Variants in RAB36 observed in about 807,000 individuals in gnomAD.
RAB36 encodes RAB36, member RAS oncogene family, also known as ras-related protein Rab-36.
In RAB36, 33 loss-of-function variants were observed where a neutral mutation model predicts 39.3. The observed-to-expected ratio is 0.84, with a 90% CI of 0.64 to 1.12. The LOEUF (loss-of-function observed/expected upper bound fraction) is 1.12. Ranked by LOEUF, RAB36 falls within the 50% of genes most tolerant of loss-of-function variation. The pLI, the probability that RAB36 is intolerant of heterozygous loss-of-function variation, is 0.00. For synonymous variants in RAB36, 133 were observed against 140.2 expected (o/e 0.95, Z 0.36); for missense variants, 308 against 355.3 (o/e 0.87, Z 1.07).
downstream of RAB36, among the ~76,000 whole-genome samples, chr22:23,167,392 A>G (rs1410840134): frequency 1.3e-5 from 2 of 152,148 alleles, no homozygotes; most frequent in Admixed American, 1.3e-4. Context: ...GAGGCTCCAC[A>G]GGGACCGGAG....
At chr22:23,145,586 G>C (rs1395714363) in intron 1 of RAB36, 35 bp downstream of exon 1, 1 of 1,579,806 alleles carries the variant, frequency 6.3e-7, no homozygotes, top group Non-Finnish European at 8.6e-7. Flanking sequence ...CGACCCTCCC[G>C]GTCACCCAAC....
At chr22:23,161,037 C>T in intron 10 of RAB36, 39 bp downstream of exon 10, 4 of 1,559,868 alleles carry the variant, frequency 2.6e-6, no homozygotes, top group Non-Finnish European at 3.5e-6. Context: ...GGGGAGTAGG[C>T]TGGAGGCCTA....
chr22:23,159,105 C>T lies in RAB36; in HGVS notation c.529-58C>T, dbSNP rs1040495939. On this transcript the variant is annotated intron_variant, in intron 8 of 10. Coordinates refer to ENST00000263116, the MANE Select transcript of RAB36 (RefSeq NM_004914.5). Reference sequence around the variant, plus strand: ...TGGGAAGCAGGCAGCTGCCTATCCCCCTGGGCCTCCCTGCAGGAGAGCCGG... The same window carrying T: ...TGGGAAGCAGGCAGCTGCCTATCCCTCTGGGCCTCCCTGCAGGAGAGCCGG... 5.6e-6 allele frequency: 9 copies of T among 1,593,770 alleles called. No individual in the cohort carries two copies. The East Asian group carries it at 1.8e-4, about 32-fold the overall frequency.
At chr22:23,146,278 G>A (rs932994283) in intron 1 of RAB36, among the ~76,000 whole-genome samples, 3 of 152,100 alleles carry the variant, frequency 2.0e-5, no homozygotes, top group African/African-American at 2.4e-5. Flanking sequence ...GCACCTTCAC[G>A]GTTCACTGCA....
intron 7 of RAB36, 82 bp downstream of exon 7, chr22:23,158,125 A>G (rs979236892): frequency 6.2e-5 from 98 of 1,578,800 alleles, no homozygotes; most frequent in Non-Finnish European, 7.7e-5. Flanking sequence ...TGGCCAGTGG[A>G]CCCTGACCCC....
Position 23,152,492 on chromosome 22 carries a change from G to A in RAB36, c.193G>A (p.Asp65Asn), listed in dbSNP as rs747468166. ...ACTCTCCAAGGTGGTGGTGGTTGGCGATCTCTACGTGGGGAAGACCAGCCT... is the reference window on the plus strand; with the variant it reads ...ACTCTCCAAGGTGGTGGTGGTTGGCAATCTCTACGTGGGGAAGACCAGCCT... ...LKLSKVVVVGDLYVGKTSLIH... is the reference protein window; with the variant it reads ...LKLSKVVVVGNLYVGKTSLIH... The change falls in exon 4 of 11, where the codon GAT becomes AAT. Residue 65 changes from aspartate (D) to asparagine (N), a missense_variant. Physicochemically the swap from Asp to Asn is conservative, Grantham distance 23. Coordinates refer to ENST00000263116, the MANE Select transcript of RAB36 (RefSeq NM_004914.5). 8 of 1,614,078 alleles carry A rather than the reference G, an allele frequency of 5.0e-6. No homozygotes were observed. In the East Asian group the frequency reaches 8.9e-5, roughly 18 times the overall value.
chr22:23,146,673 C>T lies in RAB36; in HGVS notation c.57C>T (p.Ala19=), dbSNP rs749189747. 5.6e-6 allele frequency: 9 copies of T among 1,614,034 alleles called. No individual in the cohort carries two copies. The East Asian group carries it at 1.8e-4, about 32-fold the overall frequency. The change falls in exon 2 of 11, where the codon GCC becomes GCT. Residue 19 remains alanine, a synonymous_variant. Coordinates refer to ENST00000263116, the MANE Select transcript of RAB36 (RefSeq NM_004914.5). The part of the protein sequence containing the change: ...GPPVSRDRVI[A]SFPKWYTPEA... ...CTGTGAGCCGCGACCGTGTCATCGCCAGCTTCCCTAAGGTAGAGAGTCATT... is the reference window on the plus strand; with the variant it reads ...CTGTGAGCCGCGACCGTGTCATCGCTAGCTTCCCTAAGGTAGAGAGTCATT...
chr22:23,160,854 TC>T (rs758537763), intron 9 of RAB36, 24 bp from the exon 10 acceptor site: 190 of 1,608,426 alleles, frequency 1.2e-4, no homozygotes, highest in Non-Finnish European at 4.5e-5. Context: ...ACTGATGAGG[TC>T]CCGGCTGTCT....
Position 23,146,638 on chromosome 22 carries a change from T to A in RAB36, c.22T>A (p.Leu8Met). 6.2e-7 allele frequency: 1 copy of A among 1,614,044 alleles called. No individual in the cohort carries two copies. The highest frequency in any genetic ancestry group is 8.5e-7 in the Non-Finnish European group (1 of 1,179,938). MRSSLTP[L>M]GPPVSRDRVI... ...AAGAATGAGGTCCTCCCTGACACCT[T>A]TGGGGCCCCCTGTGAGCCGCGACCG... Residue 8 changes from leucine (L) to methionine (M), a missense_variant, in exon 2 of 11, where the codon TTG (leucine) becomes ATG (methionine). Coordinates refer to ENST00000263116, the MANE Select transcript of RAB36 (RefSeq NM_004914.5).
At chr22:23,150,022 G>A in intron 2 of RAB36, 41 bp from the exon 3 acceptor site, 8 of 1,505,500 alleles carry the variant, frequency 5.3e-6, no homozygotes, top group Non-Finnish European at 7.3e-6. Context: ...CGGAGCCACA[G>A]CTTTGCAGGA....
At chr22:23,153,555 A>T (rs2071283682) in intron 5 of RAB36, 1 of 985,004 alleles carries the variant, frequency 1.0e-6, no homozygotes, top group Admixed American at 6.2e-5. Context: ...CAGTCCCTGC[A>T]TGCCAGGCTT....
intron 4 of RAB36, 68 bp from the exon 5 acceptor site, chr22:23,152,965 T>C: frequency 8.9e-7 from 1 of 1,127,074 alleles, no homozygotes; most frequent in South Asian, 1.3e-5. Context: ...ACTTGCAGTG[T>C]TACAAGTGAA....
Position 23,162,517 on chromosome 22 carries a change from C to G in RAB36, c.*953C>G. 1 of 412,834 alleles carries G rather than the reference C, an allele frequency of 2.4e-6. No individual in the cohort carries two copies. The highest frequency in any genetic ancestry group is 5.0e-6 in the Non-Finnish European group (1 of 201,552). The allele number at this position is 412,834 out of a possible 1,614,324, so 25.6% of individuals were successfully genotyped here. On this transcript the variant is annotated 3_prime_UTR_variant, in exon 11 of 11. Coordinates refer to ENST00000263116, the MANE Select transcript of RAB36 (RefSeq NM_004914.5). ...GTGTCCATGCACCTTTAGAGGACTT[C>G]AGAGGCCCTGCCAAGTCTAGCATGT... is the stretch of plus-strand genomic sequence containing the variant.
Position 23,161,014 on chromosome 22 carries a change from A to C in RAB36, c.739+16A>C. 6.3e-7 allele frequency: 1 copy of C among 1,588,740 alleles called. No homozygotes were observed. The highest frequency in any genetic ancestry group is 1.3e-5 in the African/African-American group (1 of 74,490). ...GACCTAATCCGTGAGTATAGGTGTG[A>C]CTGGGTTGGGCTGGGGAGTAGGCTG... On this transcript the variant is annotated intron_variant, in intron 10 of 10. Coordinates refer to ENST00000263116, the MANE Select transcript of RAB36 (RefSeq NM_004914.5).
At chr22:23,157,771 T>G (rs559691704) in intron 6 of RAB36, among the ~76,000 whole-genome samples, 4 of 152,266 alleles carry the variant, frequency 2.6e-5, no homozygotes, top group Admixed American at 2.0e-4. Flanking sequence ...CCTCCCTGGA[T>G]CCCACACTGA....
chr22:23,152,170 CT>C (rs2146524072), intron 3 of RAB36, among the ~76,000 whole-genome samples: 1 of 152,348 alleles, frequency 6.6e-6, no homozygotes, highest in South Asian at 2.1e-4. Context: ...GCCTCTGCCC[CT>C]CCACCTGTGA....
Position 23,146,659 on chromosome 22 carries a change from G to T in RAB36, c.43G>T (p.Asp15Tyr). Residue 15 changes from aspartate (D) to tyrosine (Y), a missense_variant, in exon 2 of 11, where the codon GAC (aspartate) becomes TAC (tyrosine). By Grantham distance (160) the Asp-to-Tyr change is radical. Coordinates refer to ENST00000263116, the MANE Select transcript of RAB36 (RefSeq NM_004914.5). ...ACCTTTGGGGCCCCCTGTGAGCCGC[G>T]ACCGTGTCATCGCCAGCTTCCCTAA... ...LTPLGPPVSR[D>Y]RVIASFPKWY... 1 of 1,613,998 alleles carries T rather than the reference G, an allele frequency of 6.2e-7. No individual in the cohort carries two copies. The highest frequency in any genetic ancestry group is 1.1e-5 in the South Asian group (1 of 91,066).
At position 23,165,007 on chromosome 22, in the gene RAB36, C is replaced by T. The variant is rs1040282716; in HGVS notation, c.*3443C>T. 2.6e-5 allele frequency among the ~76,000 whole-genome samples: 4 copies of T among 152,028 alleles called. No individual in the cohort carries two copies. The highest frequency in any genetic ancestry group is 4.8e-5 in the African/African-American group (2 of 41,396). On this transcript the variant is annotated 3_prime_UTR_variant, in exon 11 of 11. Transcript: ENST00000263116. ...CCAACGGCTGGGACACCCCTACTCC[C>T]AGAGAGGCCTCTGTGGACACCCCCA...
intron 10 of RAB36, 26 bp from the exon 11 acceptor site, chr22:23,161,474 C>A (rs747954362): frequency 6.3e-7 from 1 of 1,582,780 alleles, no homozygotes. Flanking sequence ...CTGGTTGATG[C>A]TAAATTACTT....
Sources: allele counts gnomAD v4.1 joint callset (sites outside exome capture counted in the v4.1 genomes callset), GRCh38; gene constraint gnomAD v4.1.1; transcripts MANE v1.5; gene names NCBI Gene and HGNC (gene_info 2026-07-23, HGNC 2026-07-21).